STAG1: variants seen among roughly 807,000 people sequenced by gnomAD.
The protein encoded by STAG1 is cohesin subunit SA-1.
In STAG1, 26 loss-of-function variants were observed where a neutral mutation model predicts 170.9. The ratio of observed to expected loss-of-function variants is 0.15; its 90% confidence interval spans 0.11 to 0.21. The LOEUF (loss-of-function observed/expected upper bound fraction) is 0.21. Among genes scored for constraint, STAG1 ranks in the 10% least tolerant of loss-of-function variants. STAG1 has a pLI of 1.00. For missense variants in STAG1, 964 were observed against 1,509.5 expected, an observed-to-expected ratio of 0.64 and a Z score of 5.99; for synonymous variants, 514 against 497.7, an observed-to-expected ratio of 1.03 and a Z score of -0.44.
intron 1 of STAG1, among the ~76,000 whole-genome samples, chr3:136,730,559 T>C (rs891799161): frequency 5.3e-5 from 8 of 152,250 alleles, no homozygotes; most frequent in African/African-American, 1.7e-4. Flanking sequence ...CCATGTTTGA[T>C]ACATTTTCAA....
chr3:136,498,231 T>TATAC (rs1553733364), intron 9 of STAG1, among the ~76,000 whole-genome samples: 1 of 57,854 alleles, frequency 1.7e-5, no homozygotes, highest in African/African-American at 9.4e-5. Context: ...TATATATATA[T>TATAC]ATACACATAC....
intron 9 of STAG1, among the ~76,000 whole-genome samples, chr3:136,479,224 C>T (rs1286077917): frequency 8.2e-6 from 1 of 122,076 alleles, no homozygotes; most frequent in Non-Finnish European, 1.7e-5. Context: ...CTATCCCTCC[C>T]CCCTCCCCTG....
intron 1 of STAG1, among the ~76,000 whole-genome samples, chr3:136,748,217 A>T (rs1483642421): frequency 2.6e-5 from 4 of 151,726 alleles, no homozygotes; most frequent in African/African-American, 4.8e-5. Flanking sequence ...CTGGCCAACA[A>T]GGTGAAACAC....
intron 9 of STAG1, among the ~76,000 whole-genome samples, chr3:136,499,332 A>C (rs1389028381): frequency 6.6e-6 from 1 of 151,946 alleles, no homozygotes. Flanking sequence ...CTACAAGTGC[A>C]CACTACCACA....
intron 7 of STAG1, chr3:136,518,495 G>A (rs1934494105): frequency 3.1e-6 from 2 of 655,474 alleles, no homozygotes; most frequent in Admixed American, 2.2e-5. Context: ...GGGCAAAGAT[G>A]AGAACAAAAT....
chr3:136,439,389 GACACACACACACAC>G (rs753912835), intron 15 of STAG1, among the ~76,000 whole-genome samples: 1,303 of 95,856 alleles, frequency 0.014, 8 homozygotes, highest in Non-Finnish European at 0.02. Flanking sequence ...AACACCCCCC[GACACACACACACAC>G]ACACACACAC....
intron 1 of STAG1, among the ~76,000 whole-genome samples, chr3:136,732,466 A>T (rs913841685): frequency 1.3e-5 from 2 of 152,176 alleles, no homozygotes; most frequent in African/African-American, 4.8e-5. Context: ...GAAGCATTAC[A>T]ATGTCTTTCC....
intron 24 of STAG1, 92 bp downstream of exon 24, chr3:136,369,016 G>A (rs770851795): frequency 7.7e-5 from 94 of 1,222,218 alleles, no homozygotes; most frequent in African/African-American, 2.2e-4. Context: ...AAGAAATCTC[G>A]ATAATTTTTA....
At chr3:136,546,737 C>T (rs987431834) in intron 5 of STAG1, among the ~76,000 whole-genome samples, 1 of 152,064 alleles carries the variant, frequency 6.6e-6, no homozygotes. Context: ...GTATACAAAT[C>T]CATAAATTAT....
chr3:136,661,661 A>G (rs1393443119), intron 1 of STAG1, among the ~76,000 whole-genome samples: 2 of 152,240 alleles, frequency 1.3e-5, no homozygotes, highest in Non-Finnish European at 2.9e-5. Flanking sequence ...CTGGTCCCCA[A>G]GCATTTTACA....
At chr3:136,477,781 T>A (rs530183002) in intron 9 of STAG1, among the ~76,000 whole-genome samples, 22 of 152,272 alleles carry the variant, frequency 1.4e-4, no homozygotes, top group Non-Finnish European at 2.1e-4. Context: ...TCAAAAGAAC[T>A]GTTAATCTTT....
chr3:136,733,084 CTTTTT>C (rs55935142), intron 1 of STAG1, among the ~76,000 whole-genome samples: 9 of 128,304 alleles, frequency 7.0e-5, no homozygotes, highest in South Asian at 2.5e-4. Flanking sequence ...TAAAACCTAA[CTTTTT>C]TTTTTTTTTT....
At chr3:136,746,736 G>T (rs916797218) in intron 1 of STAG1, among the ~76,000 whole-genome samples, 19 of 152,264 alleles carry the variant, frequency 1.2e-4, no homozygotes, top group African/African-American at 4.3e-4. Context: ...ACTGCCTGAG[G>T]TCAGGAGTTC....
intron 22 of STAG1, 49 bp downstream of exon 22, chr3:136,398,700 G>A (rs1483572836): frequency 2.7e-6 from 3 of 1,116,112 alleles, no homozygotes; most frequent in Non-Finnish European, 3.9e-6. Context: ...AGTTAAGCAA[G>A]GTTATTATTT....
In STAG1 at chr3:136,356,527, C is replaced by T. The variant is rs151182555; in HGVS notation, c.3065+1193G>A. Among the ~76,000 whole-genome samples the T allele has an allele frequency of 1.2e-4, 18 of 151,816 alleles. No homozygotes were observed. In the East Asian group the frequency reaches 3.3e-3, roughly 28 times the overall value. ...TCCCAAGTAGCTGGGACTACAGGTACACACCACCACACCTGGCTAATTTTA... is the reference window on the plus strand; with the variant it reads ...TCCCAAGTAGCTGGGACTACAGGTATACACCACCACACCTGGCTAATTTTA... On this transcript the variant is annotated intron_variant, in intron 28 of 33. Coordinates refer to ENST00000383202, the MANE Select transcript of STAG1 (RefSeq NM_005862.3).
chr3:136,442,693 TAAA>T (rs56744994), intron 15 of STAG1, among the ~76,000 whole-genome samples: 1 of 148,726 alleles, frequency 6.7e-6, no homozygotes, highest in Admixed American at 6.7e-5. Flanking sequence ...TGGATGTACT[TAAA>T]AAAAAAAACA....
In STAG1 at chr3:136,337,270, A is replaced by ACTT. The variant is rs1935719564; in HGVS notation, c.*981_*983dup. On this transcript the variant is annotated 3_prime_UTR_variant, in exon 34 of 34. Coordinates refer to ENST00000383202, the MANE Select transcript of STAG1 (RefSeq NM_005862.3). Reference sequence around the variant, plus strand: ...ACACAGTTATGTTACACTTAAAATTACTTTTGAATGATTGATAAAGGATTT... The same window carrying ACTT: ...ACACAGTTATGTTACACTTAAAATTACTTCTTTTGAATGATTGATAAAGGATTT... 6.5e-6 allele frequency: 1 copy of ACTT among 152,728 alleles called. No homozygotes were observed. The highest frequency in any genetic ancestry group is 1.9e-4 in the East Asian group (1 of 5,186). 9.5% of individuals were successfully genotyped at this position (152,728 alleles called of 1,614,324 possible). A position where few individuals can be genotyped will look rare whatever the true frequency, so the allele number is the denominator to read the frequency against.
chr3:136,462,555 T>C (rs1030186219), intron 13 of STAG1, among the ~76,000 whole-genome samples: 5 of 152,170 alleles, frequency 3.3e-5, no homozygotes, highest in Non-Finnish European at 5.9e-5. Context: ...GGTTGGTTAA[T>C]GGGTTCAAAA....
At chr3:136,376,012 T>TAAATAAA (rs1553796066) in intron 23 of STAG1, among the ~76,000 whole-genome samples, 22 of 14,186 alleles carry the variant, frequency 1.6e-3, no homozygotes, top group Admixed American at 4.6e-3. Context: ...AAATAAATAA[T>TAAATAAA]TAACAAAATA....
Sources: gnomAD v4.1 joint callset for allele counts (sites outside exome capture counted in the v4.1 genomes callset) on GRCh38, gnomAD v4.1.1 for gene constraint, MANE v1.5 for transcripts, NCBI Gene and HGNC (gene_info 2026-07-23, HGNC 2026-07-21) for gene names.